The following METAP1D variants were observed in gnomAD, a reference collection of about 807,000 sequenced individuals.
METAP1D encodes the protein methionine aminopeptidase 1D, mitochondrial.
METAP1D carries 31 observed loss-of-function variants against 40.5 expected under a neutral mutation model. The ratio of observed to expected loss-of-function variants is 0.77; its 90% CI spans 0.58 to 1.03. METAP1D has a LOEUF of 1.03. Among genes scored for constraint, METAP1D ranks in the 50% least tolerant of loss-of-function variants. The pLI, the probability that METAP1D is intolerant of heterozygous loss-of-function variation, is 0.00. For missense variants in METAP1D, 411 were observed against 420.7 expected, an observed-to-expected ratio of 0.98 and a Z score of 0.20; for synonymous variants, 151 against 146.4, an observed-to-expected ratio of 1.03 and a Z score of -0.22.
At chr2:172,077,695 CTT>C in intron 6 of METAP1D, 100 bp from the exon 7 acceptor site, 2 of 566,892 alleles carry the variant, frequency 3.5e-6, no homozygotes, top group South Asian at 2.7e-5. Context: ...ATATTACTGA[CTT>C]TTTCTTTTTC....
intron 1 of METAP1D, among the ~76,000 whole-genome samples, chr2:172,045,206 AAAG>A (rs1199783483): frequency 7.4e-6 from 1 of 134,340 alleles, no homozygotes; most frequent in East Asian, 2.0e-4. Context: ...TTTAAACTAA[AAAG>A]AAGTCATCAC....
At position 172,065,772 on chromosome 2, in the gene METAP1D, A is replaced by T. The variant is rs1221176589; in HGVS notation, c.497+20A>T. 1 of 1,607,540 alleles carries T rather than the reference A, an allele frequency of 6.2e-7. No homozygotes were observed. Among genetic ancestry groups the T allele is most frequent in the Admixed American group, 1.7e-5 (1 of 59,072 alleles). On this transcript the variant is annotated intron_variant, in intron 4 of 9. Transcript: ENST00000315796. ...TGACAGGTATTCAGTTCTTAATAAC[A>T]TATTGTTCCTTTGGAAACTAAAACA...
At chr2:172,036,876 T>C (rs1689404726) in intron 1 of METAP1D, among the ~76,000 whole-genome samples, 1 of 152,204 alleles carries the variant, frequency 6.6e-6, no homozygotes, top group Admixed American at 6.5e-5. Flanking sequence ...TTGTCAGACT[T>C]TTAAATGCTT....
At chr2:172,070,715 C>T (rs867353078) in intron 5 of METAP1D, 192 bp from the exon 6 acceptor site, 14 of 305,560 alleles carry the variant, frequency 4.6e-5, no homozygotes, top group Middle Eastern at 1.0e-3. Flanking sequence ...TTTGCAATAT[C>T]ATTGCATGGC....
intron 1 of METAP1D, among the ~76,000 whole-genome samples, chr2:172,027,793 T>G (rs1247531798): frequency 2.6e-5 from 4 of 152,240 alleles, no homozygotes; most frequent in Non-Finnish European, 4.4e-5. Context: ...GCAGTGGAAT[T>G]TACTCTCTAC....
intron 1 of METAP1D, among the ~76,000 whole-genome samples, chr2:172,055,016 A>G (rs969598033): frequency 5.3e-5 from 8 of 152,208 alleles, no homozygotes. Flanking sequence ...GCAAGATCAA[A>G]TTAGTATAAA....
chr2:172,077,371 G>T (rs1242171030), intron 6 of METAP1D, among the ~76,000 whole-genome samples: 2 of 152,130 alleles, frequency 1.3e-5, no homozygotes, highest in Non-Finnish European at 2.9e-5. Flanking sequence ...TTTTATATTT[G>T]GTTCCCCAAT....
intron 5 of METAP1D, among the ~76,000 whole-genome samples, chr2:172,069,275 T>C (rs1320407476): frequency 1.3e-5 from 2 of 152,230 alleles, no homozygotes; most frequent in Admixed American, 1.3e-4. Context: ...TTTTTTAAAA[T>C]AGTACATTTT....
At chr2:172,077,053 T>C (rs1479507567) in intron 6 of METAP1D, among the ~76,000 whole-genome samples, 1 of 152,240 alleles carries the variant, frequency 6.6e-6, no homozygotes, top group Non-Finnish European at 1.5e-5. Flanking sequence ...ATGTAGTGCA[T>C]GCAATGTACT....
chr2:172,000,725 C>T (rs1322455804), intron 1 of METAP1D, among the ~76,000 whole-genome samples: 1 of 152,194 alleles, frequency 6.6e-6, no homozygotes, highest in Non-Finnish European at 1.5e-5. Flanking sequence ...ATATTATTTT[C>T]ATAGTAACAG....
At chr2:172,015,409 C>CA (rs1558994761) in intron 1 of METAP1D, among the ~76,000 whole-genome samples, 1 of 150,222 alleles carries the variant, frequency 6.7e-6, no homozygotes, top group Non-Finnish European at 1.5e-5. Context: ...GACTCTGTCT[C>CA]AAAAAAAAGA....
At chr2:172,080,066 C>A in intron 8 of METAP1D, 62 bp from the exon 9 acceptor site, 1 of 1,440,488 alleles carries the variant, frequency 6.9e-7, no homozygotes, top group South Asian at 1.2e-5. Context: ...AATAATCAGC[C>A]GGAAACAATG....
At chr2:172,051,963 T>C (rs1689894792) in intron 1 of METAP1D, among the ~76,000 whole-genome samples, 1 of 152,228 alleles carries the variant, frequency 6.6e-6, no homozygotes, top group African/African-American at 2.4e-5. Context: ...ACACATTTCC[T>C]TTTTATTTCT....
At chr2:172,062,461 T>A (rs1574136253) in intron 2 of METAP1D, among the ~76,000 whole-genome samples, 1 of 152,358 alleles carries the variant, frequency 6.6e-6, no homozygotes, top group Non-Finnish European at 1.5e-5. Flanking sequence ...ACTGACACTT[T>A]TTTCCTTAGA....
Position 172,050,798 on chromosome 2 carries a change from A to C in METAP1D, c.41-10700A>C, listed in dbSNP as rs10171214. Among the ~76,000 whole-genome samples the C allele has an allele frequency of 0.039, 5,954 of 152,280 alleles. 641 individuals are homozygous for C. The East Asian group carries it at 0.45, about 12-fold the overall frequency. On this transcript the variant is annotated intron_variant, in intron 1 of 9. Coordinates refer to ENST00000315796, the MANE Select transcript of METAP1D (RefSeq NM_199227.3). Reference sequence around the variant, plus strand: ...TTTATTCTGTGTTTAAATGATATTAAGGCATCCAGAAAATCTGACAAAGAA... The same window carrying C: ...TTTATTCTGTGTTTAAATGATATTACGGCATCCAGAAAATCTGACAAAGAA...
chr2:172,060,333 T>C (rs1197027909), intron 1 of METAP1D, among the ~76,000 whole-genome samples: 2 of 151,324 alleles, frequency 1.3e-5, no homozygotes, highest in East Asian at 3.9e-4. Flanking sequence ...GGAGGATTCC[T>C]TGAGCCTGGG....
At chr2:172,019,300 G>C (rs1035212510) in intron 1 of METAP1D, among the ~76,000 whole-genome samples, 1 of 152,020 alleles carries the variant, frequency 6.6e-6, no homozygotes, top group East Asian at 1.9e-4. Context: ...CTCCAGCCTA[G>C]GTTAGAAAGA....
Position 171,999,962 on chromosome 2 carries a change from A to G in METAP1D, c.-8A>G, listed in dbSNP as rs1348702940. The G allele has an allele frequency of 7.3e-7, 1 of 1,373,184 alleles. No homozygotes were observed. The highest frequency in any genetic ancestry group is 1.7e-5 in the South Asian group (1 of 58,280). 85.1% of individuals were successfully genotyped at this position (1,373,184 alleles called of 1,614,324 possible). A position where few individuals can be genotyped will look rare whatever the true frequency, so the allele number is the denominator to read the frequency against. On this transcript the variant is annotated 5_prime_UTR_variant, in exon 1 of 10. Coordinates refer to ENST00000315796, the MANE Select transcript of METAP1D (RefSeq NM_199227.3). The stretch of plus-strand genomic sequence containing the variant: ...GCGAGTGCTCGCGGCCACGTGACCG[A>G]CGCCAACATGGCGGCGCCCAGTGGC...
intron 1 of METAP1D, among the ~76,000 whole-genome samples, chr2:172,036,168 T>G (rs1689376239): frequency 2.0e-5 from 3 of 150,930 alleles, no homozygotes; most frequent in Non-Finnish European, 3.0e-5. Flanking sequence ...ATACAAAAAG[T>G]TAGCTGGGCG....
Sources: gnomAD v4.1 joint callset for allele counts (sites outside exome capture counted in the v4.1 genomes callset) on GRCh38, gnomAD v4.1.1 for gene constraint, MANE v1.5 for transcripts, NCBI Gene and HGNC (gene_info 2026-07-23, HGNC 2026-07-21) for gene names.